Variants in EFHC1 observed in about 807,000 individuals in gnomAD.
EFHC1 encodes the protein EF-hand domain-containing protein 1.
A neutral mutation model predicts 69.9 loss-of-function variants in EFHC1; 53 were observed. The ratio of observed to expected loss-of-function variants is 0.76; its 90% confidence interval spans 0.61 to 0.95. The LOEUF (loss-of-function observed/expected upper bound fraction) is 0.95. Among genes scored for constraint, EFHC1 ranks in the 40% least tolerant of loss-of-function variants. The pLI is 0.00. For synonymous variants in EFHC1, 256 were observed against 278.4 expected (o/e 0.92, Z 0.80); for missense variants, 739 against 798.7 (o/e 0.93, Z 0.90).
chr6:52,420,969 C>T, intron 1 of EFHC1: 1 of 1,044,050 alleles, frequency 9.6e-7, no homozygotes, highest in Admixed American at 4.9e-5. Context: ...CCCGCCCCAC[C>T]TCTTCCTCTT....
Position 52,492,781 on chromosome 6 carries a change from AT to A in EFHC1, c.*445del, listed in dbSNP as rs1765939067. ...AGGCTCAAGCCACCATGCCCAGCTA[AT>A]TTTTAAAATTATTTTGTAGAGACAA... On this transcript the variant is annotated 3_prime_UTR_variant, in exon 11 of 11. Coordinates refer to ENST00000371068, the MANE Select transcript of EFHC1 (RefSeq NM_018100.4). 2.3e-6 allele frequency: 1 copy of A among 439,002 alleles called. No homozygotes were observed. The highest frequency in any genetic ancestry group is 2.0e-5 in the African/African-American group (1 of 49,246). The allele number at this position is 439,002 out of a possible 1,614,324, so 27.2% of individuals were successfully genotyped here.
At chr6:52,423,686 G>GTT in intron 1 of EFHC1, 2 of 156,416 alleles carry the variant, frequency 1.3e-5, no homozygotes, top group Non-Finnish European at 2.3e-5. Context: ...TTTTTTTTTA[G>GTT]TTTTTGTAGA....
chr6:52,435,179 C>T (rs1207380599), intron 2 of EFHC1, among the ~76,000 whole-genome samples: 1 of 152,098 alleles, frequency 6.6e-6, no homozygotes, highest in Non-Finnish European at 1.5e-5. Flanking sequence ...TGCCTATTTG[C>T]CATCTCATCT....
In EFHC1 at chr6:52,490,204, C is replaced by T. The variant is rs766088541; in HGVS notation, c.1705C>T (p.Gln569Ter). 2 of 1,614,082 alleles carry T rather than the reference C, an allele frequency of 1.2e-6. No homozygotes were observed. Among genetic ancestry groups the T allele is most frequent in the Non-Finnish European group, 1.7e-6 (2 of 1,179,980 alleles). ...LEALIDTIQK[Q>*]LKDHSCKDNI... is the part of the protein sequence containing the mutation. ...AGCATTAATAGACACAATTCAGAAG[C>T]AACTGAAAGATCACTCATGCAAAGA... Residue 569 changes from glutamine (Q) to a stop codon, truncating the protein, a stop_gained, in exon 10 of 11, where the codon CAA (glutamine) becomes TAA (stop). Transcript: ENST00000371068. LOFTEE classifies it high-confidence loss of function.
At chr6:52,478,818 A>G (rs1189691527) in intron 7 of EFHC1, among the ~76,000 whole-genome samples, 1 of 152,214 alleles carries the variant, frequency 6.6e-6, no homozygotes, top group Non-Finnish European at 1.5e-5. Context: ...ACAAGGCAAC[A>G]ATTGAGTTGA....
chr6:52,451,890 C>T (rs1764924335), intron 3 of EFHC1, among the ~76,000 whole-genome samples: 1 of 151,954 alleles, frequency 6.6e-6, no homozygotes, highest in Non-Finnish European at 1.5e-5. Flanking sequence ...GGGACTTAAT[C>T]ATATACAGTA....
intron 3 of EFHC1, among the ~76,000 whole-genome samples, chr6:52,449,635 A>G (rs1304784179): frequency 3.3e-5 from 5 of 152,040 alleles, no homozygotes; most frequent in African/African-American, 1.2e-4. Flanking sequence ...ATATTCTCTG[A>G]TGGTTGCTTA....
intron 2 of EFHC1, 71 bp from the exon 3 acceptor site, chr6:52,438,233 G>T (rs951296907): frequency 2.8e-6 from 4 of 1,442,660 alleles, no homozygotes; most frequent in Non-Finnish European, 3.8e-6. Context: ...TTTCAGGAAG[G>T]TACTTGATAT....
At position 52,420,525 on chromosome 6, in the gene EFHC1, G is replaced by C. The variant is rs368202952; in HGVS notation, c.63+52G>C. On this transcript the variant is annotated intron_variant, in intron 1 of 10. Transcript: ENST00000371068. ...CCTGTCCCCACCTTCCAGCAGCCCA[G>C]GAGGTTTCCCCGCTCAGTGCACCTC... is the stretch of plus-strand genomic sequence containing the variant. The C allele has an allele frequency of 4.3e-6, 7 of 1,611,350 alleles. No homozygotes were observed. The African/African-American group carries it at 8.0e-5, about 18-fold the overall frequency.
chr6:52,430,605 T>A (rs975031534), intron 2 of EFHC1, among the ~76,000 whole-genome samples: 4 of 152,196 alleles, frequency 2.6e-5, no homozygotes, highest in African/African-American at 9.7e-5. Context: ...TTGAATTCGG[T>A]TAGCTAGTAT....
chr6:52,495,431 G>T lies in EFHC1; in HGVS notation c.*3090G>T, dbSNP rs1766029239. 1 of 453,924 alleles carries T rather than the reference G, an allele frequency of 2.2e-6. No individual in the cohort carries two copies. Among genetic ancestry groups the T allele is most frequent in the African/African-American group, 2.0e-5 (1 of 49,966 alleles). 28.1% of individuals were successfully genotyped at this position (453,924 alleles called of 1,614,324 possible). The stretch of plus-strand genomic sequence containing the variant: ...TGCCTCCTGTGGTAGAGGAGCTTTG[G>T]GCTACTCCTTAACAAATCATTCATG... On this transcript the variant is annotated 3_prime_UTR_variant, in exon 11 of 11. Coordinates refer to ENST00000371068, the MANE Select transcript of EFHC1 (RefSeq NM_018100.4).
chr6:52,462,922 G>A (rs1397384951), intron 5 of EFHC1, among the ~76,000 whole-genome samples: 1 of 150,008 alleles, frequency 6.7e-6, no homozygotes, highest in Admixed American at 6.6e-5. Flanking sequence ...AAGTGCCATA[G>A]CCATTAAACA....
At chr6:52,472,579 A>G (rs1302439762) in intron 7 of EFHC1, among the ~76,000 whole-genome samples, 3 of 152,272 alleles carry the variant, frequency 2.0e-5, no homozygotes, top group Non-Finnish European at 2.9e-5. Context: ...ATTCCTTGGT[A>G]TAATATTTTA....
chr6:52,479,694 T>C lies in EFHC1; in HGVS notation c.1547T>C (p.Met516Thr), dbSNP rs372520849. 3.2e-5 allele frequency: 51 copies of C among 1,614,110 alleles called. No individual in the cohort carries two copies. Among genetic ancestry groups the C allele is most frequent in the Non-Finnish European group, 3.7e-5 (44 of 1,180,050 alleles). ...ACAGACGAGTATGTTTTGAAATACATGGAGAGCAACGCTGCCCAGTATTCA... is the reference window on the plus strand; with the variant it reads ...ACAGACGAGTATGTTTTGAAATACACGGAGAGCAACGCTGCCCAGTATTCA... ...LDTDEYVLKY[M>T]ESNAAQYSPE... The change falls in exon 9 of 11, where the codon ATG becomes ACG. Residue 516 changes from methionine to threonine, a missense_variant. By Grantham distance (81) the Met-to-Thr change is moderately conservative. Transcript: ENST00000371068.
chr6:52,446,444 C>T (rs1764788449), intron 3 of EFHC1, among the ~76,000 whole-genome samples: 2 of 152,142 alleles, frequency 1.3e-5, no homozygotes, highest in Admixed American at 6.5e-5. Flanking sequence ...TATTTTGAGC[C>T]TGTGTGTGTC....
At chr6:52,437,413 G>A (rs1023423627) in intron 2 of EFHC1, 1 of 152,188 alleles carries the variant, frequency 6.6e-6, no homozygotes. Flanking sequence ...TACACATTGT[G>A]AGTATTTAAA....
rs1184971320 is a variant in EFHC1 at position 52,438,415 on chromosome 6, G to T, written c.397G>T (p.Val133Phe). Residue 133 changes from valine to phenylalanine, a missense_variant, in exon 3 of 11, where the codon GTC becomes TTC. By Grantham distance (50) the Val-to-Phe change is conservative. Coordinates refer to ENST00000371068, the MANE Select transcript of EFHC1 (RefSeq NM_018100.4). ...YYYLEDDSMS[V>F]IEPVVENSGI... ...TTATCTAGAAGATGACAGCATGTCT[G>T]TCATAGAGCCTGTTGTAGAAAATTC... 1 of 1,614,048 alleles carries T rather than the reference G, an allele frequency of 6.2e-7. No homozygotes were observed. The highest frequency in any genetic ancestry group is 8.5e-7 in the Non-Finnish European group (1 of 1,179,992).
chr6:52,491,708 C>T (rs1319275362), intron 10 of EFHC1, among the ~76,000 whole-genome samples: 4 of 152,166 alleles, frequency 2.6e-5, no homozygotes, highest in East Asian at 1.9e-4. Context: ...ACAAAAGTAA[C>T]TATTTTAAAG....
intron 2 of EFHC1, among the ~76,000 whole-genome samples, chr6:52,432,435 A>G (rs1230098855): frequency 6.6e-6 from 1 of 152,144 alleles, no homozygotes; most frequent in Non-Finnish European, 1.5e-5. Context: ...TTTTTCTGAA[A>G]AAGACTGTAT....
Sources: gnomAD v4.1 joint callset for allele counts (sites outside exome capture counted in the v4.1 genomes callset) on GRCh38, gnomAD v4.1.1 for gene constraint, MANE v1.5 for transcripts, NCBI Gene and HGNC (gene_info 2026-07-23, HGNC 2026-07-21) for gene names.